ZNF394: variants seen among roughly 807,000 people sequenced by gnomAD.
The protein encoded by ZNF394 is zinc finger protein 99.
A neutral mutation model predicts 21.8 loss-of-function variants in ZNF394; 19 were observed. The ratio of observed to expected loss-of-function variants is 0.87; its 90% CI spans 0.61 to 1.28. The LOEUF (loss-of-function observed/expected upper bound fraction) is 1.28. ZNF394 is among the 50% of genes most tolerant of loss of function. The pLI, the probability that ZNF394 is intolerant of heterozygous loss-of-function variation, is 0.00. For missense variants in ZNF394, 683 were observed against 708.6 expected (o/e 0.96, Z 0.41); for synonymous variants, 294 against 273.3 (o/e 1.08, Z -0.75).
At chr7:99,499,296 A>C (rs1270212812) in intron 1 of ZNF394, among the ~76,000 whole-genome samples, 2 of 151,844 alleles carry the variant, frequency 1.3e-5, no homozygotes, top group Non-Finnish European at 2.9e-5. Flanking sequence ...GAATCGCTTG[A>C]ACCCGGGAGT....
At chr7:99,499,417 A>G (rs563957068) in intron 1 of ZNF394, among the ~76,000 whole-genome samples, 26 of 151,850 alleles carry the variant, frequency 1.7e-4, no homozygotes, top group Non-Finnish European at 3.8e-4. Flanking sequence ...AAAAAAGAAA[A>G]GAAAAAGAAA....
downstream of ZNF394, among the ~76,000 whole-genome samples, chr7:99,490,304 G>C (rs1800134916): frequency 6.6e-6 from 1 of 151,878 alleles, no homozygotes; most frequent in Non-Finnish European, 1.5e-5. Context: ...ACAGGTGCCT[G>C]TCAGCATGCC....
downstream of ZNF394, among the ~76,000 whole-genome samples, chr7:99,492,426 G>C (rs899640697): frequency 2.0e-5 from 3 of 151,946 alleles, no homozygotes; most frequent in African/African-American, 4.8e-5. Flanking sequence ...GACTGCCTGA[G>C]CTTAGGAGTT....
At position 99,497,318 on chromosome 7, in the gene ZNF394, G is replaced by A. The variant is rs1584146957; in HGVS notation, c.583+1398C>T. The stretch of plus-strand genomic sequence containing the variant: ...GCCTCCCGAGTAGCTGGGACTACAG[G>A]CGCCTGCCACCACGCCTGGCTAATT... On this transcript the variant is annotated intron_variant, in intron 2 of 2. Coordinates refer to ENST00000337673, the MANE Select transcript of ZNF394 (RefSeq NM_032164.4). 2.7e-5 allele frequency among the ~76,000 whole-genome samples: 4 copies of A among 150,830 alleles called. No homozygotes were observed. The South Asian group carries it at 8.4e-4, about 32-fold the overall frequency.
rs914357895 is a variant in ZNF394, at chr7:99,493,575, T to C, written c.1640A>G (p.His547Arg). ...STHLIRHQRI[H>R]QNKVLSAGRG... Reference sequence around the variant, plus strand: ...CCCAGCCGACAGCACTTTATTTTGATGAATTCTTTGGTGTCGGATAAGGTG... The same window carrying C: ...CCCAGCCGACAGCACTTTATTTTGACGAATTCTTTGGTGTCGGATAAGGTG... The change falls in exon 3 of 3, where the codon CAT becomes CGT. Residue 547 changes from histidine to arginine, a missense_variant. Transcript: ENST00000337673. The C allele has an allele frequency of 6.2e-7, 1 of 1,613,468 alleles. No homozygotes were observed. The highest frequency in any genetic ancestry group is 1.3e-5 in the African/African-American group (1 of 74,906).
downstream of ZNF394, among the ~76,000 whole-genome samples, chr7:99,489,236 A>T (rs1467959756): frequency 2.2e-4 from 34 of 151,576 alleles, no homozygotes; most frequent in Non-Finnish European, 2.9e-5. Context: ...GTGAGCTGAG[A>T]TCATGCCACT....
At chr7:99,487,558 T>C (rs1157859410) in intron 1 of ZNF394, 10 of 1,509,066 alleles carry the variant, frequency 6.6e-6, no homozygotes, top group African/African-American at 2.8e-5. Context: ...TATCACGTAA[T>C]TGTTTCCATG....
In ZNF394 at chr7:99,499,878, G is replaced by A. The variant is rs1311951553; in HGVS notation, c.216C>T (p.Tyr72=). Residue 72 remains tyrosine, a synonymous_variant, in exon 1 of 3, where the codon TAC becomes TAT. Transcript: ENST00000337673. ...TSRLHFRQLR[Y]QEVAGPEEAL... The stretch of plus-strand genomic sequence containing the variant: ...CCTCTTCCGGTCCAGCCACCTCCTG[G>A]TAACGCAGCTGCCTAAAGTGCAGTC... The A allele has an allele frequency of 1.2e-6, 2 of 1,614,180 alleles. No homozygotes were observed. The highest frequency in any genetic ancestry group is 1.1e-5 in the South Asian group (1 of 91,090).
chr7:99,493,157 G>A, downstream of ZNF394: 3 of 1,000,698 alleles, frequency 3.0e-6, no homozygotes, highest in Non-Finnish European at 3.6e-6. Context: ...GATACTCAAG[G>A]AAGATCCATA....
chr7:99,492,698 G>A (rs1389053171), downstream of ZNF394, among the ~76,000 whole-genome samples: 2 of 150,334 alleles, frequency 1.3e-5, no homozygotes, highest in Non-Finnish European at 3.0e-5. Flanking sequence ...GCTTGTGTCT[G>A]TAATTCCAGC....
rs761318028 is a variant in ZNF394 at position 99,498,740 on chromosome 7, CCTT to C, written c.556_558del (p.Lys186del). 3 of 1,613,956 alleles carry C rather than the reference CCTT, an allele frequency of 1.9e-6. No individual in the cohort carries two copies. The African/African-American group carries it at 4.0e-5, about 22-fold the overall frequency. On this transcript the variant is annotated inframe_deletion, in exon 2 of 3. Transcript: ENST00000337673. ...CTCGGCGGAACTGTGCTCCCGGAAT[CCTT>C]CTGCGCACTCTCTCTGCAGAAGTCC...
rs892609531 is a variant in ZNF394, at chr7:99,488,027, G to T, written n.84-1064C>A. Among the ~76,000 whole-genome samples the T allele has an allele frequency of 2.1e-5, 3 of 142,902 alleles. No homozygotes were observed. In the Admixed American group the frequency reaches 2.1e-4, roughly 10 times the overall value. The allele number at this position is 142,902 out of a possible 152,430, so 93.7% of individuals were successfully genotyped here. On this transcript the variant is annotated intron_variant and non_coding_transcript_variant, in intron 1 of 1. Coordinates refer to the ZNF394 transcript ENST00000462024. ...GCGGAGCTTGCAGTGAGCTGAGATCGTGCCACTGCACTCCAGCCTGGGCGA... is the reference window on the plus strand; with the variant it reads ...GCGGAGCTTGCAGTGAGCTGAGATCTTGCCACTGCACTCCAGCCTGGGCGA...
intron 1 of ZNF394, chr7:99,487,673 G>A: frequency 1.6e-6 from 1 of 643,314 alleles, no homozygotes; most frequent in Non-Finnish European, 2.5e-6. Context: ...GGGCAACACA[G>A]TGAGATCCCA....
downstream of ZNF394, among the ~76,000 whole-genome samples, chr7:99,491,771 C>CAAAAAA (rs768073826): frequency 2.9e-5 from 1 of 34,964 alleles, no homozygotes; most frequent in Non-Finnish European, 5.5e-5. Context: ...GAATCTGTCT[C>CAAAAAA]AAAAAAAAAA....
At chr7:99,489,020 C>T (rs1268996601), downstream of ZNF394, among the ~76,000 whole-genome samples, 1 of 151,368 alleles carries the variant, frequency 6.6e-6, no homozygotes, top group Non-Finnish European at 1.5e-5. Context: ...CGCAGTGGCT[C>T]ACGCCTGTAA....
At chr7:99,487,017 C>T (rs1002921918) in intron 1 of ZNF394, 7 of 1,613,830 alleles carry the variant, frequency 4.3e-6, no homozygotes, top group Admixed American at 3.3e-5. Flanking sequence ...TTCGGCAGCT[C>T]GCGTATCTTG....
At chr7:99,496,959 C>G (rs1299487324) in intron 2 of ZNF394, among the ~76,000 whole-genome samples, 1 of 150,794 alleles carries the variant, frequency 6.6e-6, no homozygotes, top group Non-Finnish European at 1.5e-5. Flanking sequence ...CTTTGGAGAG[C>G]AAGATGAACA....
In ZNF394 at chr7:99,500,040, G is replaced by C. The variant is rs1235270682; in HGVS notation, c.54C>G (p.Pro18=). The part of the protein sequence containing the change: ...QRRGSDAELG[P]WVMAARSKDA... Reference sequence around the variant, plus strand: ...CCTTGGACCTCGCAGCCATCACCCAGGGTCCCAACTCGGCGTCACTGCCGC... The same window carrying C: ...CCTTGGACCTCGCAGCCATCACCCACGGTCCCAACTCGGCGTCACTGCCGC... Residue 18 remains proline, a synonymous_variant, in exon 1 of 3, where the codon CCC becomes CCG. Coordinates refer to ENST00000337673, the MANE Select transcript of ZNF394 (RefSeq NM_032164.4). 6.3e-7 allele frequency: 1 copy of C among 1,597,888 alleles called. No homozygotes were observed. The highest frequency in any genetic ancestry group is 1.1e-5 in the South Asian group (1 of 90,244).
Position 99,499,629 on chromosome 7 carries a change from G to GC in ZNF394, c.456+8dup. 6.4e-7 allele frequency: 1 copy of GC among 1,565,136 alleles called. No homozygotes were observed. The highest frequency in any genetic ancestry group is 1.4e-5 in the African/African-American group (1 of 73,698). ...CTCCCACCTCCAGAACAGGCCTTTC[G>GC]CTTCTCACCTGGGATGAGGTTCCAT... is the stretch of plus-strand genomic sequence containing the variant. On this transcript the variant is annotated intron_variant, in intron 1 of 2. Coordinates refer to ENST00000337673, the MANE Select transcript of ZNF394 (RefSeq NM_032164.4).
Sources: allele counts gnomAD v4.1 joint callset (sites outside exome capture counted in the v4.1 genomes callset), GRCh38; gene constraint gnomAD v4.1.1; transcripts MANE v1.5; gene names NCBI Gene and HGNC (gene_info 2026-07-23, HGNC 2026-07-21).